GRM8: variants seen among roughly 807,000 people sequenced by gnomAD.
The protein encoded by GRM8 is glutamate metabotropic receptor 8, also known as metabotropic glutamate receptor 8.
Under a neutral mutation model 87.2 loss-of-function variants are expected in GRM8, and 47 were observed. The observed-to-expected ratio is 0.54, with a 90% CI of 0.43 to 0.69. GRM8 has a LOEUF of 0.69. GRM8 is among the 30% of genes least tolerant of loss of function. GRM8 has a pLI of 0.00. For missense variants in GRM8, 1,019 were observed against 1,139.2 expected (o/e 0.89, Z 1.52); for synonymous variants, 396 against 404.5 (o/e 0.98, Z 0.25).
At chr7:126,646,262 A>AAG (rs573131613) in intron 7 of GRM8, among the ~76,000 whole-genome samples, 1 of 137,842 alleles carries the variant, frequency 7.3e-6, no homozygotes, top group African/African-American at 2.8e-5. Flanking sequence ...AAGGAGGGAA[A>AAG]GAAGGAAGGA....
chr7:127,160,527 A>ACACG (rs1554603505), intron 2 of GRM8, among the ~76,000 whole-genome samples: 2 of 149,768 alleles, frequency 1.3e-5, no homozygotes, highest in Non-Finnish European at 3.0e-5. Context: ...AGGCTCCATC[A>ACACG]CGCGCGCGCA....
At chr7:126,995,016 C>T (rs1008028121) in intron 3 of GRM8, among the ~76,000 whole-genome samples, 3 of 152,158 alleles carry the variant, frequency 2.0e-5, no homozygotes, top group Non-Finnish European at 4.4e-5. Context: ...TTGAATCATG[C>T]CATCCCCAGC....
At chr7:126,496,870 C>T (rs1196447857) in intron 9 of GRM8, among the ~76,000 whole-genome samples, 1 of 151,810 alleles carries the variant, frequency 6.6e-6, no homozygotes, top group African/African-American at 2.4e-5. Flanking sequence ...CCTAATCTCC[C>T]CCCCACAGGT....
intron 5 of GRM8, among the ~76,000 whole-genome samples, chr7:126,903,169 A>G (rs1802268631): frequency 6.6e-6 from 1 of 152,174 alleles, no homozygotes; most frequent in African/African-American, 2.4e-5. Flanking sequence ...TGTTAATGTC[A>G]TCTTATGGAG....
chr7:127,135,554 C>T (rs1254458601), intron 2 of GRM8, among the ~76,000 whole-genome samples: 5 of 39,682 alleles, frequency 1.3e-4, no homozygotes, highest in African/African-American at 7.2e-4. Flanking sequence ...GAGTTGACAG[C>T]TTAAGAATTA....
intron 2 of GRM8, among the ~76,000 whole-genome samples, chr7:127,154,927 G>A (rs373508744): frequency 2.0e-5 from 3 of 152,032 alleles, no homozygotes; most frequent in Middle Eastern, 3.2e-3. Context: ...AAAGACATGC[G>A]GGTTATGGAA....
intron 7 of GRM8, among the ~76,000 whole-genome samples, chr7:126,686,291 T>C (rs563423968): frequency 1.3e-5 from 2 of 152,160 alleles, no homozygotes; most frequent in Non-Finnish European, 2.9e-5. Flanking sequence ...TCATTCTTCC[T>C]GGACTCAGGA....
Position 126,960,950 on chromosome 7 carries a change from T to C in GRM8, c.728-56267A>G, listed in dbSNP as rs558952825. 9.2e-5 allele frequency among the ~76,000 whole-genome samples: 14 copies of C among 152,310 alleles called. No homozygotes were observed. The South Asian group carries it at 2.5e-3, about 27-fold the overall frequency. On this transcript the variant is annotated intron_variant, in intron 3 of 10. Coordinates refer to ENST00000339582, the MANE Select transcript of GRM8 (RefSeq NM_000845.3). ...TTCAGGAGACACCTCTCCTTTATCATTATGGATGACTGACATATAAACAAA... is the reference window on the plus strand; with the variant it reads ...TTCAGGAGACACCTCTCCTTTATCACTATGGATGACTGACATATAAACAAA...
At chr7:126,509,631 C>T (rs181375951) in intron 9 of GRM8, among the ~76,000 whole-genome samples, 1 of 152,120 alleles carries the variant, frequency 6.6e-6, no homozygotes, top group East Asian at 1.9e-4. Context: ...AGGTAATTAT[C>T]ACCTCCAATT....
At chr7:126,621,620 T>C (rs993218730) in intron 7 of GRM8, among the ~76,000 whole-genome samples, 2 of 152,090 alleles carry the variant, frequency 1.3e-5, no homozygotes. Flanking sequence ...GGTTTCACCA[T>C]GTTGGCAAGG....
At chr7:126,743,511 TA>T in intron 7 of GRM8, among the ~76,000 whole-genome samples, 1 of 152,202 alleles carries the variant, frequency 6.6e-6, no homozygotes, top group South Asian at 2.1e-4. Context: ...ATAAAAAGAA[TA>T]TGCACCTGGA....
intron 6 of GRM8, among the ~76,000 whole-genome samples, chr7:126,824,676 A>G (rs1563221506): frequency 6.6e-6 from 1 of 152,258 alleles, no homozygotes; most frequent in Non-Finnish European, 1.5e-5. Flanking sequence ...TCCCAAAAGT[A>G]TATGATTCTT....
intron 8 of GRM8, among the ~76,000 whole-genome samples, chr7:126,549,507 T>C (rs1585024020): frequency 6.6e-6 from 1 of 152,178 alleles, no homozygotes; most frequent in Non-Finnish European, 1.5e-5. Context: ...ATTGCACTTT[T>C]GACGTGACTT....
At chr7:127,117,981 C>A (rs1208592835) in intron 2 of GRM8, among the ~76,000 whole-genome samples, 1 of 152,220 alleles carries the variant, frequency 6.6e-6, no homozygotes, top group Non-Finnish European at 1.5e-5. Flanking sequence ...TTGATAAGGA[C>A]GTTTATGCAA....
At chr7:126,912,812 C>T (rs1333671572) in intron 3 of GRM8, among the ~76,000 whole-genome samples, 1 of 152,050 alleles carries the variant, frequency 6.6e-6, no homozygotes, top group Non-Finnish European at 1.5e-5. Flanking sequence ...CTGAAACAAC[C>T]GTAGACTATT....
At chr7:126,456,761 T>C (rs1478503413) in intron 9 of GRM8, among the ~76,000 whole-genome samples, 1 of 151,544 alleles carries the variant, frequency 6.6e-6, no homozygotes, top group Non-Finnish European at 1.5e-5. Context: ...TGTCTTGATA[T>C]ATATATTTCA....
At chr7:126,474,114 T>C (rs1805620448) in intron 9 of GRM8, among the ~76,000 whole-genome samples, 2 of 152,154 alleles carry the variant, frequency 1.3e-5, no homozygotes. Flanking sequence ...TCAGTTTCAG[T>C]TGATGTCCTA....
At position 127,078,265 on chromosome 7, in the gene GRM8, A is replaced by G. The variant is rs183633219; in HGVS notation, c.727+28231T>C. ...TCCTGGTCCCTCTTTCCACTCCTCC[A>G]TCTGTGCTTTCATGACACTTTTTAC... On this transcript the variant is annotated intron_variant, in intron 3 of 10. Transcript: ENST00000339582. Among the ~76,000 whole-genome samples, 494 of 152,160 alleles carry G rather than the reference A, an allele frequency of 3.2e-3. 3 individuals are homozygous for G. The highest frequency in any genetic ancestry group is 0.011 in the African/African-American group (468 of 41,502).
intron 3 of GRM8, among the ~76,000 whole-genome samples, chr7:127,005,291 A>G (rs528267774): frequency 6.6e-6 from 1 of 151,776 alleles, no homozygotes; most frequent in South Asian, 2.1e-4. Context: ...CCATTTAAAC[A>G]ACAACAAAAA....
Sources: gnomAD v4.1 joint callset for allele counts (sites outside exome capture counted in the v4.1 genomes callset) on GRCh38, gnomAD v4.1.1 for gene constraint, MANE v1.5 for transcripts, NCBI Gene and HGNC (gene_info 2026-07-23, HGNC 2026-07-21) for gene names.